The following MBNL1 variants were observed in gnomAD, a reference collection of about 807,000 sequenced individuals.
MBNL1 encodes muscleblind-like protein 1.
MBNL1 carries 8 observed loss-of-function variants against 42.2 expected under a neutral mutation model. The ratio of observed to expected loss-of-function variants is 0.19; its 90% CI spans 0.11 to 0.34. The LOEUF is 0.34. Ranked by LOEUF, MBNL1 falls within the 10% of genes least tolerant of loss-of-function variation. The probability of loss-of-function intolerance (pLI) is 1.00; values close to 1 mark genes in which losing one functional copy is unlikely to be tolerated. For synonymous variants in MBNL1, 169 were observed against 173.9 expected (o/e 0.97, Z 0.22); for missense variants, 309 against 495.3 (o/e 0.62, Z 3.57).
intron 2 of MBNL1, among the ~76,000 whole-genome samples, chr3:152,319,280 C>T (rs895648252): frequency 6.6e-6 from 1 of 152,072 alleles, no homozygotes; most frequent in Non-Finnish European, 1.5e-5. Flanking sequence ...TTGTCACTTT[C>T]CACATTGAAC....
intron 2 of MBNL1, among the ~76,000 whole-genome samples, chr3:152,412,463 T>A (rs1027689489): frequency 1.3e-5 from 2 of 152,176 alleles, no homozygotes; most frequent in Non-Finnish European, 2.9e-5. Flanking sequence ...AAATATCAGT[T>A]GATTCTTAGG....
intron 2 of MBNL1, among the ~76,000 whole-genome samples, chr3:152,366,259 A>ACCG (rs2096361963): frequency 6.6e-6 from 1 of 152,146 alleles, no homozygotes; most frequent in Non-Finnish European, 1.5e-5. Flanking sequence ...TTACCATCAG[A>ACCG]AGTGTCTTAT....
intron 3 of MBNL1, among the ~76,000 whole-genome samples, chr3:152,418,541 G>A (rs564175760): frequency 6.6e-6 from 1 of 150,824 alleles, no homozygotes; most frequent in South Asian, 2.1e-4. Context: ...TTGAGCCCAG[G>A]AGGTTGAGGC....
At chr3:152,288,425 A>G (rs1197811440) in intron 1 of MBNL1, among the ~76,000 whole-genome samples, 3 of 152,216 alleles carry the variant, frequency 2.0e-5, no homozygotes, top group Non-Finnish European at 4.4e-5. Context: ...GCTTGGGCCT[A>G]CATGAGTTTT....
intron 2 of MBNL1, chr3:152,335,009 G>A (rs1364121293): frequency 9.5e-7 from 1 of 1,051,288 alleles, no homozygotes; most frequent in East Asian, 6.0e-5. Flanking sequence ...AAGGAGATGG[G>A]TCTAAATGGT....
At chr3:152,310,181 TG>T (rs2065549408) in intron 2 of MBNL1, among the ~76,000 whole-genome samples, 1 of 152,196 alleles carries the variant, frequency 6.6e-6, no homozygotes, top group African/African-American at 2.4e-5. Context: ...CACTAATTTT[TG>T]TATGGTAAGA....
At position 152,319,642 on chromosome 3, in the gene MBNL1, C is replaced by A. The variant is rs1171051394; in HGVS notation, c.174+19275C>A. ...TTTTTTTTTTTTTTTTTTTTTTTGG[C>A]TGGACAACAGACTCTCCAAAAAAAT... On this transcript the variant is annotated intron_variant, in intron 2 of 9. Coordinates refer to ENST00000324210, the MANE Select transcript of MBNL1 (RefSeq NM_021038.5). Among the ~76,000 whole-genome samples the A allele has an allele frequency of 2.4e-3, 93 of 38,350 alleles. 1 individual carries two copies. The highest frequency in any genetic ancestry group is 9.1e-3 in the African/African-American group (89 of 9,822). The allele number at this position is 38,350 out of a possible 152,430, so 25.2% of individuals were successfully genotyped here.
intron 2 of MBNL1, among the ~76,000 whole-genome samples, chr3:152,245,738 G>A (rs1179015313): frequency 6.6e-6 from 1 of 152,086 alleles, no homozygotes; most frequent in Non-Finnish European, 1.5e-5. Flanking sequence ...ACACCAATAA[G>A]TTGCACCAAT....
At chr3:152,329,021 T>C (rs534048809) in intron 2 of MBNL1, among the ~76,000 whole-genome samples, 1 of 152,004 alleles carries the variant, frequency 6.6e-6, no homozygotes, top group Admixed American at 6.6e-5. Context: ...ATGAAAAGAA[T>C]ACTAGGGGAA....
At chr3:152,273,201 A>G (rs2042926425) in intron 1 of MBNL1, among the ~76,000 whole-genome samples, 1 of 152,206 alleles carries the variant, frequency 6.6e-6, no homozygotes, top group African/African-American at 2.4e-5. Context: ...AGAATTATTG[A>G]TTGCAAGGCA....
At chr3:152,324,031 A>G (rs556750572) in intron 2 of MBNL1, among the ~76,000 whole-genome samples, 4 of 152,140 alleles carry the variant, frequency 2.6e-5, no homozygotes, top group Non-Finnish European at 5.9e-5. Flanking sequence ...AGATAACTTC[A>G]TTTCCTTCAG....
intron 2 of MBNL1, among the ~76,000 whole-genome samples, chr3:152,322,769 A>G (rs1358711975): frequency 6.6e-6 from 1 of 152,098 alleles, no homozygotes; most frequent in Non-Finnish European, 1.5e-5. Flanking sequence ...CAATAGTTAA[A>G]TTGACCTAAT....
chr3:152,393,560 TTGAC>T (rs2097802938), intron 2 of MBNL1, among the ~76,000 whole-genome samples: 1 of 152,228 alleles, frequency 6.6e-6, no homozygotes, highest in Non-Finnish European at 1.5e-5. Flanking sequence ...GGAATATCGT[TTGAC>T]TATTAGTATC....
chr3:152,381,373 A>G (rs1415429257), intron 2 of MBNL1, among the ~76,000 whole-genome samples: 5 of 152,170 alleles, frequency 3.3e-5, no homozygotes, highest in Admixed American at 3.3e-4. Flanking sequence ...GCTAAAAACA[A>G]ACAAACAAAC....
chr3:152,378,275 A>C (rs2097005578), intron 2 of MBNL1, among the ~76,000 whole-genome samples: 1 of 152,164 alleles, frequency 6.6e-6, no homozygotes, highest in Non-Finnish European at 1.5e-5. Flanking sequence ...TAGAGGCTGA[A>C]ATGAGGCACA....
intron 1 of MBNL1, among the ~76,000 whole-genome samples, chr3:152,283,900 T>C (rs1000773519): frequency 1.3e-5 from 2 of 152,178 alleles, no homozygotes; most frequent in Non-Finnish European, 2.9e-5. Context: ...CCATTTCTTA[T>C]CCCTTTTGAA....
intron 1 of MBNL1, among the ~76,000 whole-genome samples, chr3:152,287,537 G>T (rs1221177077): frequency 6.6e-6 from 1 of 152,108 alleles, no homozygotes; most frequent in East Asian, 1.9e-4. Flanking sequence ...AAAATAACCT[G>T]GGAAAACATA....
At chr3:152,297,016 G>A (rs1373957853) in intron 1 of MBNL1, among the ~76,000 whole-genome samples, 3 of 152,192 alleles carry the variant, frequency 2.0e-5, no homozygotes, top group Admixed American at 6.5e-5. Context: ...GATATGGATG[G>A]ATAGAGATGG....
intron 2 of MBNL1, among the ~76,000 whole-genome samples, chr3:152,376,809 C>T (rs1444134680): frequency 6.6e-6 from 1 of 152,178 alleles, no homozygotes; most frequent in Non-Finnish European, 1.5e-5. Flanking sequence ...CATGCGCACA[C>T]ACACACATAC....
Sources: allele counts gnomAD v4.1 joint callset (sites outside exome capture counted in the v4.1 genomes callset), GRCh38; gene constraint gnomAD v4.1.1; transcripts MANE v1.5; gene names NCBI Gene and HGNC (gene_info 2026-07-23, HGNC 2026-07-21).